Variants in CCDC85C observed in about 807,000 individuals in gnomAD.
CCDC85C encodes coiled-coil domain-containing protein 85C.
Under a neutral mutation model 38.3 loss-of-function variants are expected in CCDC85C, and 18 were observed. The observed-to-expected ratio is 0.47, with a 90% CI of 0.33 to 0.70. CCDC85C has a LOEUF of 0.70. Ranked by LOEUF, CCDC85C falls within the 30% of genes least tolerant of loss-of-function variation. The pLI, the probability that CCDC85C is intolerant of heterozygous loss-of-function variation, is 0.03. For synonymous variants in CCDC85C, 264 were observed against 293.8 expected (o/e 0.90, Z 1.04); for missense variants, 566 against 621.2 (o/e 0.91, Z 0.94).
chr14:99,529,819 C>T (rs972144882), intron 2 of CCDC85C, among the ~76,000 whole-genome samples: 10 of 152,350 alleles, frequency 6.6e-5, no homozygotes, highest in African/African-American at 2.2e-4. Flanking sequence ...CGGAGGCTGG[C>T]GGAGGCTATG....
intron 2 of CCDC85C, among the ~76,000 whole-genome samples, chr14:99,528,617 G>A (rs567139424): frequency 3.9e-5 from 6 of 152,308 alleles, no homozygotes; most frequent in South Asian, 4.1e-4. Context: ...CTGGGATGGG[G>A]TGCCCCGGCC....
intron 1 of CCDC85C, among the ~76,000 whole-genome samples, chr14:99,538,663 A>G (rs190012865): frequency 7.8e-4 from 119 of 152,272 alleles, no homozygotes; most frequent in African/African-American, 2.8e-3. Flanking sequence ...TGAGCCCACA[A>G]TCGGAGGAGG....
Position 99,604,012 on chromosome 14 carries a change from C to G in CCDC85C, c.-53G>C, listed in dbSNP as rs2055244357. The G allele has an allele frequency of 7.8e-6, 9 of 1,156,930 alleles. No homozygotes were observed. The highest frequency in any genetic ancestry group is 3.6e-4 in the Middle Eastern group (1 of 2,816). 71.7% of individuals were successfully genotyped at this position (1,156,930 alleles called of 1,614,324 possible). ...TCGCCCTCGCCCGGCCGGCGCTTCC[C>G]CGCGCCGGGGCTCCGCTGGGCCGGT... On this transcript the variant is annotated 5_prime_UTR_variant, in exon 1 of 6. Transcript: ENST00000380243.
At chr14:99,530,671 A>G (rs554537180) in intron 2 of CCDC85C, among the ~76,000 whole-genome samples, 2 of 152,388 alleles carry the variant, frequency 1.3e-5, no homozygotes, top group African/African-American at 4.8e-5. Context: ...GCACATGGTC[A>G]GCCAGACCTC....
chr14:99,570,962 G>A (rs1356280443), intron 1 of CCDC85C, among the ~76,000 whole-genome samples: 2 of 152,040 alleles, frequency 1.3e-5, no homozygotes, highest in East Asian at 1.9e-4. Context: ...CAGATCCCAC[G>A]AGGGGCTTCT....
At position 99,502,825 on chromosome 14, in the gene CCDC85C, A is replaced by G; in HGVS notation, c.*12421T>C. The G allele has an allele frequency of 6.2e-7, 1 of 1,613,658 alleles. No homozygotes were observed. Among genetic ancestry groups the G allele is most frequent in the Admixed American group, 1.7e-5 (1 of 60,000 alleles). On this transcript the variant is annotated 3_prime_UTR_variant, in exon 6 of 6. Transcript: ENST00000380243. The stretch of plus-strand genomic sequence containing the variant: ...CCCCATCTCTTCAGCCTACACCACA[A>G]GTGCCGCAAGTACAGCAGTCACAGC...
chr14:99,529,316 GGTAA>G (rs1400773511), intron 2 of CCDC85C, among the ~76,000 whole-genome samples: 1 of 152,176 alleles, frequency 6.6e-6, no homozygotes, highest in Non-Finnish European at 1.5e-5. Flanking sequence ...GTTCCAGTGA[GGTAA>G]GTGAGGGACA....
At chr14:99,549,694 A>T (rs1897872301) in intron 1 of CCDC85C, among the ~76,000 whole-genome samples, 1 of 152,200 alleles carries the variant, frequency 6.6e-6, no homozygotes, top group South Asian at 2.1e-4. Context: ...AGCGAGATAG[A>T]CTCAGTTTGA....
intron 1 of CCDC85C, among the ~76,000 whole-genome samples, chr14:99,592,168 A>C (rs1328957862): frequency 1.3e-5 from 2 of 152,248 alleles, no homozygotes; most frequent in Non-Finnish European, 2.9e-5. Flanking sequence ...GTACTAGCCC[A>C]TGCGAAGGCA....
Position 99,603,375 on chromosome 14 carries a change from G to A in CCDC85C, c.585C>T (p.Pro195=). 4.8e-6 allele frequency: 6 copies of A among 1,252,178 alleles called. No homozygotes were observed. Among genetic ancestry groups the A allele is most frequent in the Non-Finnish European group, 6.0e-6 (6 of 1,000,362 alleles). 77.6% of individuals were successfully genotyped at this position (1,252,178 alleles called of 1,614,324 possible). A position where few individuals can be genotyped will look rare whatever the true frequency, so the allele number is the denominator to read the frequency against. ...CGCCCACGTCGCGGGCCCCCGCGCC[G>A]GGCGCGCCACCCGACAGCGGCCCGC... ...SLSGPLSGGA[P]GAGARDVGDG... Residue 195 remains proline, a synonymous_variant, in exon 1 of 6, where the codon CCC becomes CCT. Transcript: ENST00000380243. This position sits in a 1 kb window ranked among gnomAD's most constrained non-coding sequence, Gnocchi z 7.5.
chr14:99,566,216 G>A (rs923973377), intron 1 of CCDC85C, among the ~76,000 whole-genome samples: 1 of 152,126 alleles, frequency 6.6e-6, no homozygotes, highest in African/African-American at 2.4e-5. Flanking sequence ...ACTCACTCCT[G>A]CCAGTCAGCA....
intron 3 of CCDC85C, among the ~76,000 whole-genome samples, chr14:99,517,559 A>G (rs1460254847): frequency 6.6e-6 from 1 of 152,148 alleles, no homozygotes; most frequent in African/African-American, 2.4e-5. Context: ...AAGACCAGGA[A>G]GGTCTGGACT....
chr14:99,521,166 C>T (rs1319118022), intron 3 of CCDC85C, among the ~76,000 whole-genome samples: 2 of 152,244 alleles, frequency 1.3e-5, no homozygotes, highest in Non-Finnish European at 2.9e-5. Context: ...AGGAGCCAGC[C>T]CCGTGAGGGC....
At chr14:99,589,128 G>C (rs1478161107) in intron 1 of CCDC85C, among the ~76,000 whole-genome samples, 1 of 151,892 alleles carries the variant, frequency 6.6e-6, no homozygotes, top group African/African-American at 2.4e-5. Context: ...GAGCAGGCAG[G>C]GGTGAGCACA....
At chr14:99,598,766 A>C (rs2055169724) in intron 1 of CCDC85C, among the ~76,000 whole-genome samples, 1 of 152,192 alleles carries the variant, frequency 6.6e-6, no homozygotes, top group African/African-American at 2.4e-5. Context: ...CACCACTCCA[A>C]GCCCTGATTT....
chr14:99,510,177 G>A lies in CCDC85C; in HGVS notation c.*5069C>T, dbSNP rs754369845. 2 of 1,598,474 alleles carry A rather than the reference G, an allele frequency of 1.3e-6. No individual in the cohort carries two copies. Among genetic ancestry groups the A allele is most frequent in the South Asian group, 2.2e-5 (2 of 88,936 alleles). On this transcript the variant is annotated 3_prime_UTR_variant, in exon 6 of 6. Transcript: ENST00000380243. ...TGCAGACCGGAAGCCTCCCCTCGCT[G>A]CTGCCTTAGGTGAGGCTGAGCCGCC...
chr14:99,500,601 T>C lies in CCDC85C; in HGVS notation c.*14645A>G, dbSNP rs576302700. On this transcript the variant is annotated 3_prime_UTR_variant, in exon 6 of 6. Transcript: ENST00000380243. ...TTGAGATCTTTTCAGAATTTATCAG[T>C]GTCTCTGAGCATGTTAAAAGTCTGA... 4.7e-5 allele frequency: 28 copies of C among 590,566 alleles called. No homozygotes were observed. The highest frequency in any genetic ancestry group is 4.4e-4 in the South Asian group (21 of 47,474). The allele number at this position is 590,566 out of a possible 1,614,324, so 36.6% of individuals were successfully genotyped here.
At position 99,535,388 on chromosome 14, in the gene CCDC85C, C is replaced by A. The variant is rs1391499027; in HGVS notation, c.867+627G>T. On this transcript the variant is annotated intron_variant, in intron 2 of 5. Transcript: ENST00000380243. The surrounding 1 kb of genome is among the most constrained non-coding windows in gnomAD (Gnocchi z 5.5). ...AGCGTGACTGCCCATAGCCTCCTCT[C>A]GGCAGCCCCCACGCCTGCCCCACCT... 6.6e-6 allele frequency among the ~76,000 whole-genome samples: 1 copy of A among 152,162 alleles called. No individual in the cohort carries two copies. The highest frequency in any genetic ancestry group is 2.4e-5 in the African/African-American group (1 of 41,430).
At chr14:99,601,925 C>T (rs1052585872) in intron 1 of CCDC85C, among the ~76,000 whole-genome samples, 2 of 152,060 alleles carry the variant, frequency 1.3e-5, no homozygotes, top group Non-Finnish European at 2.9e-5. Context: ...CCCCAGCCCC[C>T]ACCCCAACAC....
Sources: allele counts gnomAD v4.1 joint callset (sites outside exome capture counted in the v4.1 genomes callset), GRCh38; gene constraint gnomAD v4.1.1; non-coding constraint Gnocchi (gnomAD v3.1); transcripts MANE v1.5; gene names NCBI Gene and HGNC (gene_info 2026-07-23, HGNC 2026-07-21).